MIS18A: variants seen among roughly 807,000 people sequenced by gnomAD.
The protein encoded by MIS18A is protein Mis18-alpha.
MIS18A carries 14 observed loss-of-function variants against 25.0 expected under a neutral mutation model. That is an observed-to-expected ratio of 0.56 (90% CI 0.37 to 0.88). The LOEUF (loss-of-function observed/expected upper bound fraction) is 0.88, where lower values mean the gene tolerates loss of function less well. MIS18A is among the 40% of genes least tolerant of loss of function. The pLI is 0.00. For synonymous variants in MIS18A, 134 were observed against 118.6 expected (o/e 1.13, Z -0.84); for missense variants, 292 against 290.8 (o/e 1.00, Z -0.03).
chr21:32,278,940 G>T lies in MIS18A; in HGVS notation c.75C>A (p.Cys25Ter). 6.2e-7 allele frequency: 1 copy of T among 1,613,342 alleles called. No individual in the cohort carries two copies. The highest frequency in any genetic ancestry group is 8.5e-7 in the Non-Finnish European group (1 of 1,180,018). Residue 25 changes from cysteine to a stop codon, truncating the protein, a stop_gained, in exon 1 of 5, where the codon TGC (cysteine) becomes TGA (stop). Coordinates refer to ENST00000290130, the MANE Select transcript of MIS18A (RefSeq NM_018944.3). LOFTEE classifies it high-confidence loss of function. The stretch of plus-strand genomic sequence containing the variant: ...TCTTGCCCAACAGCGAGGAGTCGCT[G>T]CATTTGCCCTTGTCGCCGCACTCAC... Reference protein sequence around the residue: ...GGCECGDKGKCSDSSLLGKRL... With the variant: ...GGCECGDKGK
chr21:32,210,577 T>C, the MIS18A span, among the ~76,000 whole-genome samples: 28 of 152,202 alleles, frequency 1.8e-4, no homozygotes, highest in African/African-American at 6.5e-4. Context: ...CATCTGCATA[T>C]TGAACATTGA....
At chr21:32,257,853 T>A in the MIS18A span, among the ~76,000 whole-genome samples, 689 of 152,316 alleles carry the variant, frequency 4.5e-3, 4 homozygotes, top group South Asian at 0.019. Context: ...AGTATTTTTT[T>A]AATCTGTTTC....
chr21:32,256,386 G>A, the MIS18A span, among the ~76,000 whole-genome samples: 1 of 152,020 alleles, frequency 6.6e-6, no homozygotes, highest in African/African-American at 2.4e-5. Flanking sequence ...AGTTTCATCG[G>A]ATGACTTGGC....
the MIS18A span, among the ~76,000 whole-genome samples, chr21:32,247,060 C>T: frequency 6.6e-6 from 1 of 152,186 alleles, no homozygotes; most frequent in African/African-American, 2.4e-5. Flanking sequence ...TTCCCAGCAA[C>T]TCTCGTCAAC....
At chr21:32,178,723 G>A in the MIS18A span, among the ~76,000 whole-genome samples, 2 of 152,134 alleles carry the variant, frequency 1.3e-5, no homozygotes, top group Non-Finnish European at 2.9e-5. Flanking sequence ...CATTGAGCTT[G>A]TTGAGTCTAT....
chr21:32,230,335 C>G, the MIS18A span, among the ~76,000 whole-genome samples: 3 of 152,220 alleles, frequency 2.0e-5, no homozygotes, highest in Non-Finnish European at 4.4e-5. Context: ...CTTAATCTCT[C>G]TGGGTCTTAG....
In MIS18A at chr21:32,278,835, C is replaced by G; in HGVS notation, c.180G>C (p.Ser60=). ...SMWSSMSEDA[S]VADMERAQLE... ...GCTGCGCCCTCTCCATGTCGGCCAC[C>G]GACGCGTCTTCGCTCATGGAGCTCC... The change falls in exon 1 of 5, where the codon TCG becomes TCC. Residue 60 remains serine, a synonymous_variant. Coordinates refer to ENST00000290130, the MANE Select transcript of MIS18A (RefSeq NM_018944.3). The G allele has an allele frequency of 5.0e-6, 8 of 1,606,912 alleles. No homozygotes were observed. The highest frequency in any genetic ancestry group is 5.9e-6 in the Non-Finnish European group (7 of 1,177,726).
At chr21:32,271,778 A>G (rs1276896787) in intron 2 of MIS18A, among the ~76,000 whole-genome samples, 2 of 152,206 alleles carry the variant, frequency 1.3e-5, no homozygotes, top group Non-Finnish European at 2.9e-5. Flanking sequence ...AATAAAAAGC[A>G]TGTCGGTAAA....
At chr21:32,220,011 G>A in the MIS18A span, among the ~76,000 whole-genome samples, 1 of 152,218 alleles carries the variant, frequency 6.6e-6, no homozygotes, top group African/African-American at 2.4e-5. Context: ...ATCTCCCTGG[G>A]ACAGACCACC....
the MIS18A span, among the ~76,000 whole-genome samples, chr21:32,158,427 C>T: frequency 4.6e-5 from 7 of 151,048 alleles, no homozygotes; most frequent in South Asian, 1.3e-3. Context: ...TGTATTAGTG[C>T]GCTTTTTTAG....
At chr21:32,232,037 C>T in the MIS18A span, among the ~76,000 whole-genome samples, 15 of 152,174 alleles carry the variant, frequency 9.9e-5, no homozygotes, top group East Asian at 5.8e-4. Context: ...ATGTTCACTG[C>T]TGCATTATTC....
At chr21:32,236,876 TG>T in the MIS18A span, among the ~76,000 whole-genome samples, 1 of 152,128 alleles carries the variant, frequency 6.6e-6, no homozygotes, top group East Asian at 1.9e-4. Context: ...AGAATGGATA[TG>T]GGGGTACAGT....
the MIS18A span, among the ~76,000 whole-genome samples, chr21:32,157,524 T>G: frequency 6.6e-6 from 1 of 151,996 alleles, no homozygotes; most frequent in Non-Finnish European, 1.5e-5. Flanking sequence ...AGTAAAGTTT[T>G]TTTTTGTTAT....
At chr21:32,179,331 CTG>C in the MIS18A span, among the ~76,000 whole-genome samples, 1 of 152,144 alleles carries the variant, frequency 6.6e-6, no homozygotes, top group African/African-American at 2.4e-5. Flanking sequence ...GGATTCTTGG[CTG>C]TCTTTGGGAG....
intron 2 of MIS18A, among the ~76,000 whole-genome samples, chr21:32,273,967 G>A (rs2031760687): frequency 6.6e-6 from 1 of 152,026 alleles, no homozygotes; most frequent in African/African-American, 2.4e-5. Flanking sequence ...TGGCAGGTAT[G>A]GCAAGATATT....
chr21:32,207,063 G>A, the MIS18A span, among the ~76,000 whole-genome samples: 3 of 152,212 alleles, frequency 2.0e-5, no homozygotes, highest in African/African-American at 7.2e-5. Context: ...GATTGATGAA[G>A]TCTAAATTCC....
chr21:32,278,907 GGA>G lies in MIS18A; in HGVS notation c.106_107del (p.Ser36ArgfsTer80), dbSNP rs772460003. 1 of 1,613,602 alleles carries G rather than the reference GGA, an allele frequency of 6.2e-7. No individual in the cohort carries two copies. The highest frequency in any genetic ancestry group is 8.5e-7 in the Non-Finnish European group (1 of 1,180,014). On this transcript the variant is annotated frameshift_variant, in exon 1 of 5. Coordinates refer to ENST00000290130, the MANE Select transcript of MIS18A (RefSeq NM_018944.3). LOFTEE classifies it high-confidence loss of function. ...SDSSLLGKRL[S>X]EDSSRHQLLQ... Reference sequence around the variant, plus strand: ...ACAGCTGGTGGCGGCTCGAGTCTTCGGAGAGTCTCTTGCCCAACAGCGAGGAG... The same window carrying G: ...ACAGCTGGTGGCGGCTCGAGTCTTCGGAGTCTCTTGCCCAACAGCGAGGAG...
the MIS18A span, among the ~76,000 whole-genome samples, chr21:32,204,890 C>G: frequency 6.6e-6 from 1 of 151,944 alleles, no homozygotes; most frequent in Non-Finnish European, 1.5e-5. Context: ...CTGGCTCAAA[C>G]AAACAAACAT....
intron 3 of MIS18A, among the ~76,000 whole-genome samples, chr21:32,270,040 C>T (rs532762268): frequency 1.1e-4 from 17 of 152,208 alleles, no homozygotes; most frequent in African/African-American, 4.1e-4. Flanking sequence ...CAGCACTGCA[C>T]TCCAGCCTGG....
Sources: gnomAD v4.1 joint callset for allele counts (sites outside exome capture counted in the v4.1 genomes callset) on GRCh38, gnomAD v4.1.1 for gene constraint, MANE v1.5 for transcripts, NCBI Gene and HGNC (gene_info 2026-07-23, HGNC 2026-07-21) for gene names.